PXYLP1: variants seen among roughly 807,000 people sequenced by gnomAD.
PXYLP1 encodes the protein 2-phosphoxylose phosphatase 1.
Under a neutral mutation model 37.9 loss-of-function variants are expected in PXYLP1, and 17 were observed. The ratio of observed to expected loss-of-function variants is 0.45; its 90% CI spans 0.31 to 0.67. The LOEUF (loss-of-function observed/expected upper bound fraction) is 0.67. Among genes scored for constraint, PXYLP1 ranks in the 30% least tolerant of loss-of-function variants. The pLI, the probability that PXYLP1 is intolerant of heterozygous loss-of-function variation, is 0.07. For missense variants in PXYLP1, 511 were observed against 612.0 expected (o/e 0.84, Z 1.74); for synonymous variants, 221 against 232.2 (o/e 0.95, Z 0.44).
chr3:141,256,552 GCA>G (rs149017086), intron 1 of PXYLP1, among the ~76,000 whole-genome samples: 5 of 151,902 alleles, frequency 3.3e-5, no homozygotes, highest in Admixed American at 2.6e-4. Context: ...GCGCGTGTGC[GCA>G]CACACACACA....
chr3:141,292,614 C>T lies in PXYLP1; in HGVS notation c.852C>T (p.Val284=), dbSNP rs576293236. 16 of 1,613,848 alleles carry T rather than the reference C, an allele frequency of 9.9e-6. No individual in the cohort carries two copies. The African/African-American group carries it at 1.7e-4, about 17-fold the overall frequency. The change falls in exon 6 of 6, where the codon GTC becomes GTT. Residue 284 remains valine (V), a synonymous_variant. Transcript: ENST00000286353. This position sits in a 1 kb window ranked among gnomAD's most constrained non-coding sequence, Gnocchi z 4.3. ...GGGAGATGGCCAAGATCGTGGATGT[C>T]CCCACCAAGCAGCTTAGAGCTGCCA... ...TYGEMAKIVD[V]PTKQLRAANP...
chr3:141,262,845 A>G, intron 2 of PXYLP1: 1 of 718,352 alleles, frequency 1.4e-6, no homozygotes, highest in Non-Finnish European at 2.3e-6. Flanking sequence ...TTCATAACGC[A>G]CAGGTTTCGC....
Position 141,292,222 on chromosome 3 carries a change from T to C in PXYLP1, c.506-46T>C. On this transcript the variant is annotated intron_variant, in intron 5 of 5. Coordinates refer to ENST00000286353, the MANE Select transcript of PXYLP1 (RefSeq NM_001037172.3). The surrounding 1 kb of genome is among the most constrained non-coding windows in gnomAD (Gnocchi z 4.3). ...GACTCCACCTCCCCTTGCTGTTTCT[T>C]TTGCTCAGCTGGAAGTAAGGTAAGC... 1 of 1,531,154 alleles carries C rather than the reference T, an allele frequency of 6.5e-7. No individual in the cohort carries two copies. The highest frequency in any genetic ancestry group is 1.4e-5 in the African/African-American group (1 of 72,298). The allele number at this position is 1,531,154 out of a possible 1,614,324, so 94.8% of individuals were successfully genotyped here.
intron 1 of PXYLP1, among the ~76,000 whole-genome samples, chr3:141,244,834 A>T (rs557121417): frequency 6.6e-6 from 1 of 151,976 alleles, no homozygotes; most frequent in Admixed American, 6.6e-5. Context: ...TGTAGGATAG[A>T]AACCTGAAAT....
chr3:141,233,334 GC>G (rs1456033446), intron 1 of PXYLP1, among the ~76,000 whole-genome samples: 1 of 152,096 alleles, frequency 6.6e-6, no homozygotes, highest in Non-Finnish European at 1.5e-5. Context: ...GCGTGGTGGT[GC>G]ATACCTGTAA....
intron 2 of PXYLP1, chr3:141,262,152 C>T (rs1179195278): frequency 2.9e-5 from 14 of 476,544 alleles, no homozygotes; most frequent in Non-Finnish European, 3.9e-5. Flanking sequence ...CTCTGATTCA[C>T]TTCCAATTGT....
chr3:141,258,105 T>A (rs1369437741), intron 1 of PXYLP1, among the ~76,000 whole-genome samples: 1 of 151,968 alleles, frequency 6.6e-6, no homozygotes, highest in African/African-American at 2.4e-5. Context: ...GGCCCTCGCC[T>A]CCCACATGCA....
At chr3:141,273,905 C>T (rs1466316661) in intron 2 of PXYLP1, 2 of 985,080 alleles carry the variant, frequency 2.0e-6, no homozygotes, top group Non-Finnish European at 1.2e-6. Flanking sequence ...GCACAGTGGC[C>T]CCAGGACACT....
rs1179113172 is a variant in PXYLP1, at chr3:141,292,449, G to T, written c.687G>T (p.Lys229Asn). 1 of 1,614,222 alleles carries T rather than the reference G, an allele frequency of 6.2e-7. No individual in the cohort carries two copies. Among genetic ancestry groups the T allele is most frequent in the South Asian group, 1.1e-5 (1 of 91,082 alleles). ...YGFLPDFDWK[K>N]IYFRHQPSAL... The stretch of plus-strand genomic sequence containing the variant: ...TTCTCCCAGATTTTGACTGGAAGAA[G>T]ATTTATTTCAGGCACCAGCCAAGTG... The change falls in exon 6 of 6, where the codon AAG (lysine) becomes AAT (asparagine). Residue 229 changes from lysine to asparagine, a missense_variant. Lys to Asn is a moderately conservative substitution (Grantham distance 94). Coordinates refer to ENST00000286353, the MANE Select transcript of PXYLP1 (RefSeq NM_001037172.3). This position sits in a 1 kb window ranked among gnomAD's most constrained non-coding sequence, Gnocchi z 4.3.
At chr3:141,288,552 A>T (rs372628843) in intron 5 of PXYLP1, among the ~76,000 whole-genome samples, 2 of 152,336 alleles carry the variant, frequency 1.3e-5, no homozygotes, top group East Asian at 3.9e-4. Flanking sequence ...TGATTACACA[A>T]TTAACTATTT....
intron 2 of PXYLP1, among the ~76,000 whole-genome samples, chr3:141,276,896 T>C (rs1941808181): frequency 6.6e-6 from 1 of 152,244 alleles, no homozygotes; most frequent in Admixed American, 6.5e-5. Flanking sequence ...ATTTCTTTAA[T>C]TATGAATAAA....
chr3:141,243,483 C>T (rs974289849), intron 1 of PXYLP1, among the ~76,000 whole-genome samples: 1 of 152,220 alleles, frequency 6.6e-6, no homozygotes, highest in Non-Finnish European at 1.5e-5. Context: ...ATCCACGGTA[C>T]GGTGACATAG....
intron 4 of PXYLP1, among the ~76,000 whole-genome samples, chr3:141,281,379 T>C (rs1209161128): frequency 2.6e-5 from 4 of 152,124 alleles, no homozygotes; most frequent in Admixed American, 6.5e-5. Context: ...GGAGCAGTGA[T>C]GGAGGGAGTA....
intron 1 of PXYLP1, among the ~76,000 whole-genome samples, chr3:141,250,317 A>G (rs957817572): frequency 1.3e-5 from 2 of 152,210 alleles, no homozygotes; most frequent in Non-Finnish European, 2.9e-5. Context: ...CTGTCATCAG[A>G]TGATTGTGTT....
intron 1 of PXYLP1, among the ~76,000 whole-genome samples, chr3:141,251,300 C>A (rs1042228770): frequency 2.6e-5 from 4 of 152,232 alleles, no homozygotes; most frequent in African/African-American, 9.6e-5. Context: ...TTGCTTCCAT[C>A]TGCATGGTGA....
At chr3:141,287,583 G>A (rs1942106589) in intron 5 of PXYLP1, 130 bp downstream of exon 5, 2 of 1,044,566 alleles carry the variant, frequency 1.9e-6, no homozygotes, top group East Asian at 5.6e-5. Context: ...TCTGCAAGGA[G>A]CTCGGTCACC....
chr3:141,284,770 A>G (rs1259060207), intron 4 of PXYLP1, among the ~76,000 whole-genome samples: 2 of 152,150 alleles, frequency 1.3e-5, no homozygotes, highest in Admixed American at 1.3e-4. Flanking sequence ...TTTTCCAAGT[A>G]TTTTTGGATC....
chr3:141,273,799 G>A (rs751893799), intron 2 of PXYLP1: 77 of 985,140 alleles, frequency 7.8e-5, no homozygotes, highest in Admixed American at 1.2e-4. Context: ...CCTCCTACTT[G>A]GTAATCACAC....
intron 1 of PXYLP1, among the ~76,000 whole-genome samples, chr3:141,245,045 CTTT>C (rs10546747): frequency 2.8e-5 from 3 of 106,164 alleles, no homozygotes; most frequent in Non-Finnish European, 5.5e-5. Flanking sequence ...CACTAACTCC[CTTT>C]TTTTTTTTTT....
Sources: allele counts gnomAD v4.1 joint callset (sites outside exome capture counted in the v4.1 genomes callset), GRCh38; gene constraint gnomAD v4.1.1; non-coding constraint Gnocchi (gnomAD v3.1); transcripts MANE v1.5; gene names NCBI Gene and HGNC (gene_info 2026-07-23, HGNC 2026-07-21).